The following RASEF variants were observed in gnomAD, a reference collection of about 807,000 sequenced individuals.
RASEF encodes ras and EF-hand domain-containing protein.
RASEF carries 68 observed loss-of-function variants against 90.1 expected under a neutral mutation model. The observed-to-expected ratio is 0.75, with a 90% confidence interval of 0.62 to 0.92. The LOEUF is 0.92. Among genes scored for constraint, RASEF ranks in the 40% least tolerant of loss-of-function variants. The probability of loss-of-function intolerance (pLI) is 0.00; values close to 1 mark genes in which losing one functional copy is unlikely to be tolerated. For missense variants in RASEF, 949 were observed against 937.2 expected, an observed-to-expected ratio of 1.01 and a Z score of -0.16; for synonymous variants, 331 against 345.2, an observed-to-expected ratio of 0.96 and a Z score of 0.46.
the RASEF span, among the ~76,000 whole-genome samples, chr9:83,189,891 A>G: frequency 6.6e-6 from 1 of 152,192 alleles, no homozygotes; most frequent in Non-Finnish European, 1.5e-5. Context: ...GTCTTTCAAA[A>G]AATATCAAAG....
the RASEF span, among the ~76,000 whole-genome samples, chr9:83,085,215 G>A: frequency 6.6e-6 from 1 of 152,082 alleles, no homozygotes; most frequent in East Asian, 1.9e-4. Context: ...GAAGCCAGGA[G>A]GCCATCAACT....
chr9:83,154,609 T>C, the RASEF span, among the ~76,000 whole-genome samples: 1 of 152,176 alleles, frequency 6.6e-6, no homozygotes. Flanking sequence ...GTCAGGAACT[T>C]CTAAAGCACA....
chr9:83,200,641 T>C, the RASEF span, among the ~76,000 whole-genome samples: 2 of 152,224 alleles, frequency 1.3e-5, no homozygotes, highest in African/African-American at 4.8e-5. Flanking sequence ...ATCATCATTT[T>C]TGTCTCACTC....
chr9:83,176,126 A>G, the RASEF span, among the ~76,000 whole-genome samples: 7 of 152,132 alleles, frequency 4.6e-5, no homozygotes, highest in Admixed American at 4.6e-4. Flanking sequence ...AACTATTGTG[A>G]AATTGTTTAC....
At chr9:83,197,991 C>A in the RASEF span, among the ~76,000 whole-genome samples, 1 of 152,206 alleles carries the variant, frequency 6.6e-6, no homozygotes, top group African/African-American at 2.4e-5. Context: ...AGAGAATCAT[C>A]TTTTGGAAAT....
the RASEF span, among the ~76,000 whole-genome samples, chr9:83,171,763 G>C: frequency 2.0e-4 from 31 of 151,568 alleles, no homozygotes. Flanking sequence ...CTCCTTTATA[G>C]TATTTCCTTT....
chr9:83,133,746 GA>G, the RASEF span, among the ~76,000 whole-genome samples: 1 of 152,116 alleles, frequency 6.6e-6, no homozygotes, highest in African/African-American at 2.4e-5. Context: ...CAAAATCTAT[GA>G]TTAACAAAAG....
the RASEF span, among the ~76,000 whole-genome samples, chr9:83,176,496 T>G: frequency 1.3e-5 from 2 of 152,094 alleles, no homozygotes; most frequent in African/African-American, 4.8e-5. Context: ...TTTCTATATA[T>G]CTCATTTCTC....
At chr9:83,063,915 G>T (rs907374385), upstream of RASEF, among the ~76,000 whole-genome samples, 1 of 152,054 alleles carries the variant, frequency 6.6e-6, no homozygotes. Context: ...CCTTTTCCAG[G>T]AGACCCTCAG....
At chr9:83,158,813 TACAC>T in the RASEF span, among the ~76,000 whole-genome samples, 2 of 150,622 alleles carry the variant, frequency 1.3e-5, no homozygotes, top group Non-Finnish European at 1.5e-5. Context: ...AATATATATA[TACAC>T]ACACACAGAC....
the RASEF span, among the ~76,000 whole-genome samples, chr9:83,214,017 C>G: frequency 1.3e-5 from 2 of 152,064 alleles, no homozygotes; most frequent in African/African-American, 4.8e-5. Context: ...CCCAGGAGTT[C>G]AAGACTGTAG....
chr9:83,007,067 CT>C (rs1347528647), intron 7 of RASEF, among the ~76,000 whole-genome samples: 2 of 139,460 alleles, frequency 1.4e-5, no homozygotes, highest in Non-Finnish European at 3.0e-5. Flanking sequence ...GCACTTCAGC[CT>C]GGGTGACAGG....
At chr9:83,101,816 T>C in the RASEF span, among the ~76,000 whole-genome samples, 1 of 152,152 alleles carries the variant, frequency 6.6e-6, no homozygotes, top group African/African-American at 2.4e-5. Flanking sequence ...TATATAACCT[T>C]GTTTTATGTG....
the RASEF span, among the ~76,000 whole-genome samples, chr9:83,070,932 A>G: frequency 6.6e-6 from 1 of 152,212 alleles, no homozygotes; most frequent in Non-Finnish European, 1.5e-5. Flanking sequence ...TTACCAGTGT[A>G]TAAAAATTCA....
the RASEF span, among the ~76,000 whole-genome samples, chr9:83,183,393 TGTA>T: frequency 6.6e-6 from 1 of 152,138 alleles, no homozygotes; most frequent in African/African-American, 2.4e-5. Context: ...CTTTGAACAA[TGTA>T]GTATTTTTAG....
intron 6 of RASEF, among the ~76,000 whole-genome samples, chr9:83,008,964 A>AAT (rs1200610163): frequency 2.4e-5 from 2 of 82,770 alleles, no homozygotes; most frequent in Admixed American, 1.4e-4. Flanking sequence ...TGAGATTATA[A>AAT]ATATATATAT....
chr9:83,055,892 T>C (rs906276786), intron 1 of RASEF, among the ~76,000 whole-genome samples: 11 of 152,228 alleles, frequency 7.2e-5, no homozygotes, highest in South Asian at 6.2e-4. Flanking sequence ...GAGTGGTGTT[T>C]TGGTGAGCCA....
At chr9:82,992,850 T>C in intron 15 of RASEF, 56 bp downstream of exon 15, 1 of 1,581,258 alleles carries the variant, frequency 6.3e-7, no homozygotes, top group South Asian at 1.2e-5. Context: ...GGCCACCGAC[T>C]TCAAAGCCAT....
At chr9:83,060,258 A>G (rs1428312204) in intron 1 of RASEF, among the ~76,000 whole-genome samples, 1 of 152,196 alleles carries the variant, frequency 6.6e-6, no homozygotes, top group Non-Finnish European at 1.5e-5. Context: ...TATGAAAACA[A>G]GTCCCAAAAT....
Sources: gnomAD v4.1 joint callset for allele counts (sites outside exome capture counted in the v4.1 genomes callset) on GRCh38, gnomAD v4.1.1 for gene constraint, MANE v1.5 for transcripts, NCBI Gene and HGNC (gene_info 2026-07-23, HGNC 2026-07-21) for gene names.